Variants in SAMSN1 observed in about 807,000 individuals in gnomAD.
The protein encoded by SAMSN1 is SAM domain, SH3 domain and nuclear localization signals 1, also known as SAM domain-containing protein SAMSN-1.
Under a neutral mutation model 42.0 loss-of-function variants are expected in SAMSN1, and 31 were observed. That is an observed-to-expected ratio of 0.74 (90% CI 0.55 to 1.00). The LOEUF is 1.00. Ranked by LOEUF, SAMSN1 falls within the 50% of genes least tolerant of loss-of-function variation. SAMSN1 has a pLI of 0.00. For synonymous variants in SAMSN1, 178 were observed against 151.9 expected (o/e 1.17, Z -1.26); for missense variants, 464 against 439.4 (o/e 1.06, Z -0.50).
chr21:14,512,523 C>T lies in SAMSN1; in HGVS notation c.330G>A (p.Val110=). Residue 110 remains valine (V), a synonymous_variant, in exon 4 of 8, where the codon GTG becomes GTA. Transcript: ENST00000400566. ...ACACCTTCTCTGTGTGGGTCCCAAT[C>T]ACAGGGTCACTGTTTCTATATGGGT... ...NAHPYRNSDP[V]IGTHTEKVSL... 6.2e-7 allele frequency: 1 copy of T among 1,613,950 alleles called. No homozygotes were observed. The highest frequency in any genetic ancestry group is 8.5e-7 in the Non-Finnish European group (1 of 1,179,846).
intron 2 of SAMSN1, among the ~76,000 whole-genome samples, chr21:14,557,683 A>G (rs2123191105): frequency 6.6e-6 from 1 of 152,358 alleles, no homozygotes; most frequent in East Asian, 1.9e-4. Flanking sequence ...TTGCAAATGC[A>G]CTTGACACAA....
intron 4 of SAMSN1, among the ~76,000 whole-genome samples, chr21:14,611,402 G>A (rs932255320): frequency 1.3e-5 from 2 of 152,184 alleles, no homozygotes; most frequent in African/African-American, 4.8e-5. Flanking sequence ...GTTGTATCAT[G>A]CATTGATAAC....
chr21:14,655,337 A>C (rs1433086096), intron 1 of SAMSN1, among the ~76,000 whole-genome samples: 1 of 151,792 alleles, frequency 6.6e-6, no homozygotes, highest in African/African-American at 2.4e-5. Flanking sequence ...ATGACAAAAT[A>C]CTACTAATAG....
intron 4 of SAMSN1, among the ~76,000 whole-genome samples, chr21:14,611,619 C>T (rs986866106): frequency 1.3e-5 from 2 of 152,132 alleles, no homozygotes; most frequent in Admixed American, 1.3e-4. Context: ...TAAAATGTTG[C>T]CTTGCTTCCT....
chr21:14,539,769 A>G (rs1413430125), intron 1 of SAMSN1, among the ~76,000 whole-genome samples: 1 of 152,088 alleles, frequency 6.6e-6, no homozygotes, highest in African/African-American at 2.4e-5. Context: ...CCAATGACTT[A>G]CTCCACAGAA....
At chr21:14,566,897 G>C (rs150558953) in intron 2 of SAMSN1, among the ~76,000 whole-genome samples, 3 of 152,004 alleles carry the variant, frequency 2.0e-5, no homozygotes, top group African/African-American at 7.3e-5. Flanking sequence ...ACACACACAT[G>C]CACACCACCT....
At chr21:14,521,081 T>G in intron 2 of SAMSN1, 69 bp downstream of exon 2, 3 of 968,648 alleles carry the variant, frequency 3.1e-6, no homozygotes, top group Non-Finnish European at 4.7e-6. Context: ...TTTGCAAAAG[T>G]GACATTGTCT....
chr21:14,581,232 A>T (rs970753212), intron 2 of SAMSN1, among the ~76,000 whole-genome samples: 1 of 150,238 alleles, frequency 6.7e-6, no homozygotes, highest in Non-Finnish European at 1.5e-5. Flanking sequence ...TAAAAGCAAG[A>T]CCTAGGTTAT....
chr21:14,628,144 T>A (rs1983232001), intron 2 of SAMSN1, among the ~76,000 whole-genome samples: 1 of 152,088 alleles, frequency 6.6e-6, no homozygotes, highest in South Asian at 2.1e-4. Flanking sequence ...ATCCAATCAA[T>A]GGGATAGGAG....
chr21:14,587,497 C>T (rs943688104), upstream of SAMSN1, among the ~76,000 whole-genome samples: 1 of 152,122 alleles, frequency 6.6e-6, no homozygotes, highest in Non-Finnish European at 1.5e-5. Flanking sequence ...TCTATAACTC[C>T]TATATGCTGA....
At chr21:14,631,485 A>G (rs1448636953) in intron 2 of SAMSN1, among the ~76,000 whole-genome samples, 1 of 152,158 alleles carries the variant, frequency 6.6e-6, no homozygotes, top group Non-Finnish European at 1.5e-5. Context: ...CTCCTGCCTC[A>G]GCCTTCCGAG....
At chr21:14,607,646 G>A (rs915433308) in intron 5 of SAMSN1, among the ~76,000 whole-genome samples, 1 of 152,162 alleles carries the variant, frequency 6.6e-6, no homozygotes, top group Non-Finnish European at 1.5e-5. Flanking sequence ...CTCTGACAAA[G>A]CAACCAGAAG....
At chr21:14,607,456 C>T (rs995072751) in intron 5 of SAMSN1, among the ~76,000 whole-genome samples, 8 of 152,206 alleles carry the variant, frequency 5.3e-5, no homozygotes, top group African/African-American at 9.7e-5. Flanking sequence ...GCCATCAACT[C>T]TTCCTAGCAT....
At chr21:14,632,990 C>T (rs781615310) in intron 2 of SAMSN1, among the ~76,000 whole-genome samples, 33 of 152,258 alleles carry the variant, frequency 2.2e-4, no homozygotes, top group South Asian at 2.1e-3. Context: ...GTCTTTTGTA[C>T]CCTAATCACA....
At chr21:14,530,743 G>T (rs908511268) in intron 1 of SAMSN1, among the ~76,000 whole-genome samples, 5 of 152,146 alleles carry the variant, frequency 3.3e-5, no homozygotes, top group Non-Finnish European at 5.9e-5. Context: ...TGTCCACAGT[G>T]GTTACAGAAG....
At chr21:14,614,922 G>A (rs1982797947) in intron 3 of SAMSN1, among the ~76,000 whole-genome samples, 1 of 152,152 alleles carries the variant, frequency 6.6e-6, no homozygotes, top group African/African-American at 2.4e-5. Context: ...TTGAAAAATT[G>A]TAAATTGGTC....
chr21:14,509,467 A>T (rs1308641940), intron 5 of SAMSN1, among the ~76,000 whole-genome samples: 1 of 152,200 alleles, frequency 6.6e-6, no homozygotes, highest in Admixed American at 6.5e-5. Context: ...TGCTTGGGTG[A>T]TGGGTCTCAC....
chr21:14,640,423 T>C (rs1219766356), intron 2 of SAMSN1, among the ~76,000 whole-genome samples: 2 of 152,126 alleles, frequency 1.3e-5, no homozygotes, highest in East Asian at 3.8e-4. Flanking sequence ...TTTCAGAGTA[T>C]TTCAGGGTGA....
intron 4 of SAMSN1, 49 bp from the exon 5 acceptor site, chr21:14,510,510 T>C (rs757897879): frequency 2.5e-6 from 4 of 1,599,652 alleles, no homozygotes; most frequent in African/African-American, 2.7e-5. Context: ...TATAACATTC[T>C]GAATCATCAT....
Sources: allele counts gnomAD v4.1 joint callset (sites outside exome capture counted in the v4.1 genomes callset), GRCh38; gene constraint gnomAD v4.1.1; transcripts MANE v1.5; gene names NCBI Gene and HGNC (gene_info 2026-07-23, HGNC 2026-07-21).